Variants in CLPTM1 observed in about 807,000 individuals in gnomAD.
CLPTM1 encodes CLPTM1 regulator of GABA type A receptor forward trafficking.
A neutral mutation model predicts 77.3 loss-of-function variants in CLPTM1; 21 were observed. That is an observed-to-expected ratio of 0.27 (90% CI 0.19 to 0.39). The LOEUF is 0.39. CLPTM1 is among the 10% of genes least tolerant of loss of function. CLPTM1 has a pLI of 1.00. For synonymous variants in CLPTM1, 373 were observed against 381.0 expected, an observed-to-expected ratio of 0.98 and a Z score of 0.24; for missense variants, 642 against 921.2, an observed-to-expected ratio of 0.70 and a Z score of 3.92.
chr19:44,986,544 G>A lies in CLPTM1; in HGVS notation c.762G>A (p.Val254=). The A allele has an allele frequency of 6.2e-7, 1 of 1,614,046 alleles. No homozygotes were observed. Among genetic ancestry groups the A allele is most frequent in the South Asian group, 1.1e-5 (1 of 91,088 alleles). The part of the protein sequence containing the change: ...INIVDDHTPW[V]KGSVPPPLDQ... ...TCGTGGACGACCACACGCCGTGGGT[G>A]AAGGGCAGTGTGCCCCCTCCCCTGG... is the stretch of plus-strand genomic sequence containing the variant. Residue 254 remains valine (V), a synonymous_variant, in exon 7 of 14, where the codon GTG becomes GTA. Transcript: ENST00000337392.
chr19:44,959,657 C>T (rs116043217), intron 1 of CLPTM1, among the ~76,000 whole-genome samples: 1,929 of 152,292 alleles, frequency 0.013, 38 homozygotes, highest in African/African-American at 0.041. Flanking sequence ...CCTGGTCTGG[C>T]TTCATGTTTT....
chr19:44,955,875 G>C (rs923823558), intron 1 of CLPTM1: 2 of 174,074 alleles, frequency 1.1e-5, no homozygotes, highest in Non-Finnish European at 2.4e-5. Flanking sequence ...TTTTCTAGCT[G>C]TGGGGAAGTC....
intron 1 of CLPTM1, 129 bp downstream of exon 1, chr19:44,955,596 C>T: frequency 1.1e-6 from 1 of 887,902 alleles, no homozygotes. Flanking sequence ...CTTGAATACC[C>T]GGCCCAGGCA....
chr19:44,990,796 T>C lies in CLPTM1; in HGVS notation c.1324-54T>C. On this transcript the variant is annotated intron_variant, in intron 10 of 13. Coordinates refer to ENST00000337392, the MANE Select transcript of CLPTM1 (RefSeq NM_001294.4). The surrounding 1 kb of genome is among the most constrained non-coding windows in gnomAD (Gnocchi z 4.8). Reference sequence around the variant, plus strand: ...GGGAAGGGCAGGGGCTGGTTCTGGCTTGTGGGGTGGGAGCCAGCGTAGCAA... The same window carrying C: ...GGGAAGGGCAGGGGCTGGTTCTGGCCTGTGGGGTGGGAGCCAGCGTAGCAA... The C allele has an allele frequency of 6.7e-7, 1 of 1,491,112 alleles. No individual in the cohort carries two copies. Among genetic ancestry groups the C allele is most frequent in the Admixed American group, 1.7e-5 (1 of 57,910 alleles). 92.4% of individuals were successfully genotyped at this position (1,491,112 alleles called of 1,614,324 possible).
rs1971068404 is a variant in CLPTM1, at chr19:44,991,139, C to CCAGA, written c.1420-98_1420-97insAGAC. 1 of 1,570,746 alleles carries CCAGA rather than the reference C, an allele frequency of 6.4e-7. No individual in the cohort carries two copies. Among genetic ancestry groups the CCAGA allele is most frequent in the African/African-American group, 1.3e-5 (1 of 74,300 alleles). On this transcript the variant is annotated intron_variant, in intron 11 of 13. Transcript: ENST00000337392. The surrounding 1 kb of genome is among the most constrained non-coding windows in gnomAD (Gnocchi z 5.4). ...CAGGGCTACCTGGAAATTCCCCCTG[C>CCAGA]CCGGCCTGCCAGACCAGGTGTGGTG...
In CLPTM1 at chr19:44,977,730, G is replaced by A. The variant is rs78921344; in HGVS notation, c.586+270G>A. Among the ~76,000 whole-genome samples the A allele has an allele frequency of 6.7e-3, 1,025 of 152,290 alleles. 10 individuals carry two copies. The highest frequency in any genetic ancestry group is 0.024 in the African/African-American group (977 of 41,554). On this transcript the variant is annotated intron_variant, in intron 5 of 13. Coordinates refer to ENST00000337392, the MANE Select transcript of CLPTM1 (RefSeq NM_001294.4). ...GCCAGAAAAAGCAGCTGGAGACAGG[G>A]ACTCTTGGAGAGGAGGAGACGTCCT...
rs1971115905 is a variant in CLPTM1 at position 44,993,269 on chromosome 19, C to T, written c.*372C>T. On this transcript the variant is annotated 3_prime_UTR_variant, in exon 14 of 14. Coordinates refer to ENST00000337392, the MANE Select transcript of CLPTM1 (RefSeq NM_001294.4). ...TTGTCCCTCGTCCCCCTACCACACT[C>T]CCCCTCCTAGACCGCCGCCCTTTAA... 1 of 472,452 alleles carries T rather than the reference C, an allele frequency of 2.1e-6. No homozygotes were observed. The highest frequency in any genetic ancestry group is 2.4e-5 in the Admixed American group (1 of 41,078). 29.3% of individuals were successfully genotyped at this position (472,452 alleles called of 1,614,324 possible).
At chr19:44,979,123 G>T (rs1970852405) in intron 5 of CLPTM1, among the ~76,000 whole-genome samples, 1 of 152,026 alleles carries the variant, frequency 6.6e-6, no homozygotes, top group African/African-American at 2.4e-5. Flanking sequence ...GGGACTACAG[G>T]CACACGCCAC....
intron 4 of CLPTM1, 21 bp downstream of exon 4, chr19:44,974,618 C>G: frequency 2.5e-6 from 4 of 1,605,928 alleles, no homozygotes; most frequent in Non-Finnish European, 3.4e-6. Flanking sequence ...CTCTCGGTTT[C>G]TGGCCCCATG....
chr19:44,978,981 C>CT (rs35634071), intron 5 of CLPTM1, among the ~76,000 whole-genome samples: 13,160 of 132,232 alleles, frequency 0.1, 1,111 homozygotes, highest in African/African-American at 0.23. Context: ...TTGCCTGGCT[C>CT]TTTTTTTTTT....
chr19:44,985,285 G>A lies in CLPTM1; in HGVS notation c.654G>A (p.Ala218=), dbSNP rs139922480. The A allele has an allele frequency of 4.3e-4, 690 of 1,612,986 alleles. 1 individual carries two copies. Among genetic ancestry groups the A allele is most frequent in the South Asian group, 1.1e-3 (98 of 91,022 alleles). The stretch of plus-strand genomic sequence containing the variant: ...ACCTGCTGACAGGAGAGACAGAAGC[G>A]GACCCAGAAATGATCAAGGTAAATG... ...TKNLLTGETE[A]DPEMIKRAED... Residue 218 remains alanine, a synonymous_variant, in exon 6 of 14, where the codon GCG becomes GCA. Coordinates refer to ENST00000337392, the MANE Select transcript of CLPTM1 (RefSeq NM_001294.4).
At chr19:44,962,868 A>T (rs971152749) in intron 2 of CLPTM1, among the ~76,000 whole-genome samples, 1 of 152,000 alleles carries the variant, frequency 6.6e-6, no homozygotes, top group South Asian at 2.1e-4. Flanking sequence ...GATCGAGACC[A>T]TCCTGGCCAA....
intron 5 of CLPTM1, among the ~76,000 whole-genome samples, chr19:44,982,164 C>G (rs150502690): frequency 2.8e-4 from 43 of 151,886 alleles, no homozygotes; most frequent in African/African-American, 9.9e-4. Flanking sequence ...GCCTGGCCAA[C>G]ATAATGAAAC....
chr19:44,973,601 A>G (rs577829437), intron 3 of CLPTM1, among the ~76,000 whole-genome samples: 40 of 152,152 alleles, frequency 2.6e-4, no homozygotes, highest in Non-Finnish European at 4.3e-4. Context: ...GCCCGGAAGG[A>G]GAGGAGACCT....
At chr19:44,974,398 G>A (rs778362664) in intron 3 of CLPTM1, 41 bp from the exon 4 acceptor site, 3 of 1,579,946 alleles carry the variant, frequency 1.9e-6, no homozygotes, top group Non-Finnish European at 8.6e-7. Flanking sequence ...CAGAGGCTCT[G>A]AAGAGCAGGC....
chr19:44,955,410 G>A lies in CLPTM1; in HGVS notation c.15G>A (p.Gln5=), dbSNP rs964148547. 2.2e-6 allele frequency: 3 copies of A among 1,340,538 alleles called. No individual in the cohort carries two copies. Among genetic ancestry groups the A allele is most frequent in the Non-Finnish European group, 2.9e-6 (3 of 1,046,188 alleles). The allele number at this position is 1,340,538 out of a possible 1,614,324, so 83.0% of individuals were successfully genotyped here. A position where few individuals can be genotyped will look rare whatever the true frequency, so the allele number is the denominator to read the frequency against. ...GGAGCGGGAAGATGGCGGCGGCGCAGGAGGCGGACGGGGCCCGCAGCGCCG... is the reference window on the plus strand; with the variant it reads ...GGAGCGGGAAGATGGCGGCGGCGCAAGAGGCGGACGGGGCCCGCAGCGCCG... MAAA[Q]EADGARSAVV... Residue 5 remains glutamine (Q), a synonymous_variant, in exon 1 of 14, where the codon CAG becomes CAA. Transcript: ENST00000337392.
rs1379177815 is a variant in CLPTM1, at chr19:44,955,762, GGT to G, written c.72+296_72+297del. On this transcript the variant is annotated intron_variant, in intron 1 of 13. Transcript: ENST00000337392. ...CGCAGGCTTGTACCTTGGCGCGCTG[GGT>G]TCTCAACTCCGCGATTCCATGCTCT... 4.9e-3 allele frequency: 1,628 copies of G among 335,502 alleles called. 24 individuals are homozygous for G. The highest frequency in any genetic ancestry group is 0.031 in the African/African-American group (1,483 of 47,190). 20.8% of individuals were successfully genotyped at this position (335,502 alleles called of 1,614,324 possible).
chr19:44,958,829 G>T (rs1970502056), intron 1 of CLPTM1, among the ~76,000 whole-genome samples: 1 of 152,178 alleles, frequency 6.6e-6, no homozygotes, highest in Non-Finnish European at 1.5e-5. Context: ...AGTCTCTGCT[G>T]CTCCCAATCC....
At chr19:44,977,102 C>T (rs1162590321) in intron 4 of CLPTM1, among the ~76,000 whole-genome samples, 1 of 152,082 alleles carries the variant, frequency 6.6e-6, no homozygotes, top group Non-Finnish European at 1.5e-5. Flanking sequence ...CTAGGTGGGG[C>T]CCTGAGGCTC....
Sources: allele counts gnomAD v4.1 joint callset (sites outside exome capture counted in the v4.1 genomes callset), GRCh38; gene constraint gnomAD v4.1.1; non-coding constraint Gnocchi (gnomAD v3.1); transcripts MANE v1.5; gene names NCBI Gene and HGNC (gene_info 2026-07-23, HGNC 2026-07-21).